The following SUGCT variants were observed in gnomAD, a reference collection of about 807,000 sequenced individuals.
The protein encoded by SUGCT is succinyl-CoA:glutarate CoA-transferase.
A neutral mutation model predicts 55.0 loss-of-function variants in SUGCT; 41 were observed. That is an observed-to-expected ratio of 0.74 (90% confidence interval 0.58 to 0.97). The LOEUF (loss-of-function observed/expected upper bound fraction) is 0.97, where lower values mean the gene tolerates loss of function less well. SUGCT is among the 50% of genes least tolerant of loss of function. The probability of loss-of-function intolerance (pLI) is 0.00; values close to 1 mark genes in which losing one functional copy is unlikely to be tolerated. For synonymous variants in SUGCT, 187 were observed against 200.4 expected, an observed-to-expected ratio of 0.93 and a Z score of 0.56; for missense variants, 568 against 547.8, an observed-to-expected ratio of 1.04 and a Z score of -0.37.
At chr7:40,299,273 G>A (rs898511792) in intron 8 of SUGCT, among the ~76,000 whole-genome samples, 20 of 152,160 alleles carry the variant, frequency 1.3e-4, no homozygotes, top group African/African-American at 4.1e-4. Flanking sequence ...GGACTAAAGA[G>A]CCCACATCCT....
chr7:40,933,088 G>T, the SUGCT span, among the ~76,000 whole-genome samples: 9 of 152,178 alleles, frequency 5.9e-5, no homozygotes, highest in African/African-American at 1.4e-4. Flanking sequence ...TCCTTTCCAT[G>T]TTTAGTGCTT....
intron 7 of SUGCT, among the ~76,000 whole-genome samples, chr7:40,270,329 A>C (rs1791925496): frequency 6.6e-6 from 1 of 152,062 alleles, no homozygotes; most frequent in South Asian, 2.1e-4. Context: ...TATCAAAGAA[A>C]TTATTGCCAA....
Position 40,181,981 on chromosome 7 carries a change from T to G in SUGCT, c.179T>G (p.Met60Arg), listed in dbSNP as rs1452506777. 2 of 1,601,242 alleles carry G rather than the reference T, an allele frequency of 1.2e-6. No homozygotes were observed. Among genetic ancestry groups the G allele is most frequent in the Non-Finnish European group, 1.7e-6 (2 of 1,172,102 alleles). The change falls in exon 3 of 14, where the codon ATG becomes AGG. Residue 60 changes from methionine (M) to arginine (R), a missense_variant. Coordinates refer to ENST00000335693, the MANE Select transcript of SUGCT (RefSeq NM_001193313.2). ...GTCCTGGCGGGACCTTTTGCTACTA[T>G]GAATTTAGGAGATCTTGGAGCAGAA... is the stretch of plus-strand genomic sequence containing the variant. ...TRVLAGPFAT[M>R]NLGDLGAEVI... is the part of the protein sequence containing the mutation.
the SUGCT span, among the ~76,000 whole-genome samples, chr7:40,873,100 G>C: frequency 6.6e-6 from 1 of 152,102 alleles, no homozygotes. Context: ...ACAATATGGA[G>C]CTTTCAAGAG....
the SUGCT span, among the ~76,000 whole-genome samples, chr7:40,926,811 C>T: frequency 6.6e-6 from 1 of 152,322 alleles, no homozygotes; most frequent in South Asian, 2.1e-4. Context: ...ATTCTTTAAG[C>T]CACCCAGTGT....
the SUGCT span, among the ~76,000 whole-genome samples, chr7:40,891,704 A>C: frequency 6.6e-6 from 1 of 152,182 alleles, no homozygotes; most frequent in African/African-American, 2.4e-5. Flanking sequence ...TAACAAGCTG[A>C]AAACATATGA....
chr7:40,348,257 C>A (rs1333652710), intron 9 of SUGCT, among the ~76,000 whole-genome samples: 1 of 152,192 alleles, frequency 6.6e-6, no homozygotes, highest in Non-Finnish European at 1.5e-5. Context: ...GGAGGAATTT[C>A]TTGCAGTCAG....
At chr7:40,664,941 C>G (rs1430341643) in intron 12 of SUGCT, among the ~76,000 whole-genome samples, 1 of 147,196 alleles carries the variant, frequency 6.8e-6, no homozygotes, top group African/African-American at 2.5e-5. Flanking sequence ...GATTGCGCCA[C>G]TGCACTCCAG....
chr7:40,749,905 T>A (rs1053110850), intron 13 of SUGCT, among the ~76,000 whole-genome samples: 1 of 152,250 alleles, frequency 6.6e-6, no homozygotes, highest in African/African-American at 2.4e-5. Flanking sequence ...GGCTACTGAC[T>A]GCTCAGGCTC....
intron 1 of SUGCT, chr7:40,153,971 T>C (rs1465969555): frequency 3.3e-6 from 1 of 303,336 alleles, no homozygotes; most frequent in Non-Finnish European, 6.6e-6. Context: ...CAGGCCAAGC[T>C]GTACGATGTA....
chr7:40,384,222 G>A (rs1465537446), intron 9 of SUGCT, among the ~76,000 whole-genome samples: 1 of 152,144 alleles, frequency 6.6e-6, no homozygotes, highest in Non-Finnish European at 1.5e-5. Flanking sequence ...ATTGGGTGGA[G>A]GATAAAGAAA....
At chr7:41,034,704 C>A in the SUGCT span, among the ~76,000 whole-genome samples, 1 of 152,136 alleles carries the variant, frequency 6.6e-6, no homozygotes. Flanking sequence ...TCTGCGTGTC[C>A]ATTCATCCTT....
intron 13 of SUGCT, among the ~76,000 whole-genome samples, chr7:40,770,954 T>C (rs747409908): frequency 2.6e-5 from 4 of 152,204 alleles, no homozygotes; most frequent in African/African-American, 4.8e-5. Flanking sequence ...CCTAGCACAG[T>C]AGCTATTAAA....
Position 40,283,440 on chromosome 7 carries a change from G to A in SUGCT, c.720+8784G>A, listed in dbSNP as rs56881972. ...GACGGGGTTCCACCATGTTGACCAG[G>A]CTGGTCTTAAACTCCTGACCTCAGG... On this transcript the variant is annotated intron_variant, in intron 8 of 13. Coordinates refer to ENST00000335693, the MANE Select transcript of SUGCT (RefSeq NM_001193313.2). 6.2e-3 allele frequency among the ~76,000 whole-genome samples: 936 copies of A among 152,106 alleles called. 7 individuals carry two copies. Among genetic ancestry groups the A allele is most frequent in the African/African-American group, 0.021 (882 of 41,496 alleles).
chr7:40,969,620 G>A, the SUGCT span, among the ~76,000 whole-genome samples: 1 of 152,160 alleles, frequency 6.6e-6, no homozygotes, highest in Non-Finnish European at 1.5e-5. Flanking sequence ...GCTTCCCAAA[G>A]TGCTGGAATT....
the SUGCT span, among the ~76,000 whole-genome samples, chr7:41,035,890 T>G: frequency 6.6e-6 from 1 of 152,174 alleles, no homozygotes; most frequent in Non-Finnish European, 1.5e-5. Flanking sequence ...CCTCACATGA[T>G]GCAGCTCATA....
At chr7:40,402,210 G>T (rs187862066) in intron 9 of SUGCT, among the ~76,000 whole-genome samples, 3 of 151,624 alleles carry the variant, frequency 2.0e-5, no homozygotes, top group East Asian at 3.9e-4. Context: ...AGGAAAGGCC[G>T]TTCTAGAACG....
intron 12 of SUGCT, among the ~76,000 whole-genome samples, chr7:40,548,486 T>A (rs1380978170): frequency 1.3e-5 from 2 of 152,202 alleles, no homozygotes; most frequent in Non-Finnish European, 2.9e-5. Context: ...GCATGAACTA[T>A]GGCACCCAAC....
At chr7:41,009,655 T>TTCCTTCCATCCACCATCCATCCG in the SUGCT span, among the ~76,000 whole-genome samples, 1 of 151,818 alleles carries the variant, frequency 6.6e-6, no homozygotes, top group Non-Finnish European at 1.5e-5. Flanking sequence ...CCATCCATCC[T>TTCCTTCCATCCACCATCCATCCG]TCCTTCCATC....
Sources: allele counts gnomAD v4.1 joint callset (sites outside exome capture counted in the v4.1 genomes callset), GRCh38; gene constraint gnomAD v4.1.1; transcripts MANE v1.5; gene names NCBI Gene and HGNC (gene_info 2026-07-23, HGNC 2026-07-21).